The following EPG5 variants were observed in gnomAD, a reference collection of about 807,000 sequenced individuals.
EPG5 encodes the protein ectopic P granules protein 5 homolog.
A neutral mutation model predicts 302.7 loss-of-function variants in EPG5; 159 were observed. The observed-to-expected ratio is 0.53, with a 90% CI of 0.46 to 0.60. The LOEUF (loss-of-function observed/expected upper bound fraction) is 0.60. Among genes scored for constraint, EPG5 ranks in the 20% least tolerant of loss-of-function variants. EPG5 has a pLI of 0.00. For missense variants in EPG5, 2,896 were observed against 3,092.4 expected, an observed-to-expected ratio of 0.94 and a Z score of 1.51; for synonymous variants, 1,158 against 1,136.8, an observed-to-expected ratio of 1.02 and a Z score of -0.37.
the EPG5 span, among the ~76,000 whole-genome samples, chr18:45,812,755 T>C: frequency 7.9e-5 from 12 of 152,218 alleles, no homozygotes; most frequent in Admixed American, 5.2e-4. Flanking sequence ...TTACACCTTA[T>C]GCAAAAATTA....
rs1162086216 is a variant in EPG5, at chr18:45,850,855, C to G, written c.*1612G>C. 2.6e-5 allele frequency: 4 copies of G among 152,596 alleles called. No individual in the cohort carries two copies. The highest frequency in any genetic ancestry group is 5.9e-5 in the Non-Finnish European group (4 of 68,012). The allele number at this position is 152,596 out of a possible 1,614,324, so 9.5% of individuals were successfully genotyped here. A position where few individuals can be genotyped will look rare whatever the true frequency, so the allele number is the denominator to read the frequency against. ...CCAGATCAGACTATTAAATTGTCCA[C>G]AGCTTCTCAAATTTTCTTATACAGA... On this transcript the variant is annotated 3_prime_UTR_variant, in exon 44 of 44. Coordinates refer to ENST00000282041, the MANE Select transcript of EPG5 (RefSeq NM_020964.3).
chr18:45,916,110 G>T lies in EPG5; in HGVS notation c.3481C>A (p.Arg1161=). ...ATGAGGAAGAGGATAGGTTGTTCTC[G>T]GTACCAGAGATGCTGGCTTATGAGA... ...QALISQHLWY[R]EQPILFLMDH... The change falls in exon 19 of 44, where the codon CGA becomes AGA. Residue 1161 remains arginine (R), a synonymous_variant. Coordinates refer to ENST00000282041, the MANE Select transcript of EPG5 (RefSeq NM_020964.3). The T allele has an allele frequency of 1.2e-6, 2 of 1,614,090 alleles. No individual in the cohort carries two copies. Among genetic ancestry groups the T allele is most frequent in the Non-Finnish European group, 1.7e-6 (2 of 1,180,004 alleles).
chr18:45,829,453 T>G, the EPG5 span, among the ~76,000 whole-genome samples: 1 of 152,160 alleles, frequency 6.6e-6, no homozygotes, highest in Non-Finnish European at 1.5e-5. Flanking sequence ...AGAGAAAGAT[T>G]TGCAGGGAGC....
rs11082494 is a variant in EPG5, at chr18:45,889,614, G to C, written c.4952+184C>G. Among the ~76,000 whole-genome samples, 94,018 of 151,924 alleles carry C rather than the reference G, an allele frequency of 0.62. 29,311 individuals are homozygous for C. Among genetic ancestry groups the C allele is most frequent in the Non-Finnish European group, 0.64 (43,791 of 67,970 alleles). On this transcript the variant is annotated intron_variant, in intron 28 of 43. Coordinates refer to ENST00000282041, the MANE Select transcript of EPG5 (RefSeq NM_020964.3). ...ATAAATAAATGGGGATGGCTGTGTT[G>C]CAATAAAACTTTATTTATAAAAATA...
At chr18:45,819,470 A>T in the EPG5 span, among the ~76,000 whole-genome samples, 1 of 151,988 alleles carries the variant, frequency 6.6e-6, no homozygotes, top group East Asian at 1.9e-4. Flanking sequence ...TCAAGGCCAG[A>T]AAGGAAACAC....
chr18:45,944,953 T>C (rs1029651419), intron 7 of EPG5, among the ~76,000 whole-genome samples: 3 of 152,170 alleles, frequency 2.0e-5, no homozygotes, highest in South Asian at 2.1e-4. Flanking sequence ...AAAGATTACA[T>C]AGGGGAAATC....
At chr18:45,888,625 A>C (rs1599499143) in intron 28 of EPG5, among the ~76,000 whole-genome samples, 1 of 152,262 alleles carries the variant, frequency 6.6e-6, no homozygotes, top group African/African-American at 2.4e-5. Flanking sequence ...TTTTTAATAG[A>C]GATGGGGTTT....
Position 45,911,110 on chromosome 18 carries a change from C to CACAT in EPG5, c.3984-369_3984-368insATGT, listed in dbSNP as rs1491456763. On this transcript the variant is annotated intron_variant, in intron 22 of 43. Transcript: ENST00000282041. ...ACACACACACACACACACACACACA[C>CACAT]ATATATATATATATATACATTTTTT... Among the ~76,000 whole-genome samples the CACAT allele has an allele frequency of 9.2e-3, 1,173 of 127,930 alleles. 9 individuals carry two copies. The highest frequency in any genetic ancestry group is 0.015 in the South Asian group (55 of 3,772). 83.9% of individuals were successfully genotyped at this position (127,930 alleles called of 152,430 possible). A position where few individuals can be genotyped will look rare whatever the true frequency, so the allele number is the denominator to read the frequency against.
At chr18:45,901,564 C>T (rs562829059) in intron 25 of EPG5, among the ~76,000 whole-genome samples, 7 of 152,088 alleles carry the variant, frequency 4.6e-5, no homozygotes, top group East Asian at 3.9e-4. Flanking sequence ...AAGGAATAAG[C>T]GTTATGGAAT....
chr18:45,939,522 C>T, intron 10 of EPG5, 78 bp downstream of exon 10: 1 of 1,369,740 alleles, frequency 7.3e-7, no homozygotes, highest in Non-Finnish European at 1.0e-6. Flanking sequence ...AAAAGACCTA[C>T]TTAAGTGGCT....
chr18:45,821,332 C>T, the EPG5 span, among the ~76,000 whole-genome samples: 1 of 152,336 alleles, frequency 6.6e-6, no homozygotes, highest in Admixed American at 6.5e-5. Flanking sequence ...CTAACTTTAT[C>T]TTACTTATGC....
Position 45,952,532 on chromosome 18 carries a change from G to A in EPG5, c.1120C>T (p.His374Tyr). The change falls in exon 3 of 44, where the codon CAC becomes TAC. Residue 374 changes from histidine (H) to tyrosine (Y), a missense_variant. By Grantham distance (83) the His-to-Tyr change is moderately conservative. Around this residue, in one of 5 missense-constraint regions of EPG5, gnomAD observed 1,390 missense variants for 1,430.0 expected, o/e 0.97. Transcript: ENST00000282041. The stretch of plus-strand genomic sequence containing the variant: ...TGAAGGGCCAGGGTCTGGTGGAGGT[G>A]CTCAGATTTGGCATCGAATAGCTTC... ...LKKLFDAKSE[H>Y]LHQTLALHSY... 2 of 1,614,166 alleles carry A rather than the reference G, an allele frequency of 1.2e-6. No individual in the cohort carries two copies. The highest frequency in any genetic ancestry group is 1.7e-6 in the Non-Finnish European group (2 of 1,180,018).
At chr18:45,820,012 C>G in the EPG5 span, among the ~76,000 whole-genome samples, 239 of 152,226 alleles carry the variant, frequency 1.6e-3, no homozygotes, top group African/African-American at 5.6e-3. Flanking sequence ...CAAAGTCATC[C>G]TGTTGTTAGT....
intron 31 of EPG5, 51 bp from the exon 32 acceptor site, chr18:45,880,274 T>A (rs753394323): frequency 6.8e-7 from 1 of 1,478,606 alleles, no homozygotes; most frequent in South Asian, 1.3e-5. Context: ...GAAAGGAATA[T>A]TTTAACTTGT....
At chr18:45,812,357 G>T in the EPG5 span, among the ~76,000 whole-genome samples, 17 of 152,304 alleles carry the variant, frequency 1.1e-4, 1 homozygote, top group South Asian at 8.3e-4. Context: ...GTAATTTACA[G>T]ATTCAATGCC....
chr18:45,850,210 G>GTCT lies in EPG5; in HGVS notation c.*2254_*2256dup. The stretch of plus-strand genomic sequence containing the variant: ...ACGCTGCTCAGTCCACAGGGCCTTG[G>GTCT]TCTTGCTTGATTCCCGTCTTGATGT... On this transcript the variant is annotated 3_prime_UTR_variant, in exon 44 of 44. Transcript: ENST00000282041. 6.6e-6 allele frequency: 1 copy of GTCT among 152,410 alleles called. No individual in the cohort carries two copies. Among genetic ancestry groups the GTCT allele is most frequent in the East Asian group, 1.9e-4 (1 of 5,186 alleles). 9.4% of individuals were successfully genotyped at this position (152,410 alleles called of 1,614,324 possible).
the EPG5 span, among the ~76,000 whole-genome samples, chr18:45,819,768 T>G: frequency 6.6e-6 from 1 of 151,134 alleles, no homozygotes; most frequent in Non-Finnish European, 1.5e-5. Flanking sequence ...GAACTCACGT[T>G]GTTTTTTCTG....
chr18:45,913,363 G>A (rs142046955), intron 21 of EPG5, among the ~76,000 whole-genome samples: 2,138 of 152,170 alleles, frequency 0.014, 33 homozygotes, highest in Admixed American at 0.018. Flanking sequence ...TAACCTCCTT[G>A]TCCCACTCGA....
chr18:45,905,194 C>T (rs2049718821), intron 24 of EPG5, among the ~76,000 whole-genome samples: 1 of 152,090 alleles, frequency 6.6e-6, no homozygotes, highest in African/African-American at 2.4e-5. Context: ...TGGGGGACTG[C>T]CTTTAACAAC....
Sources: gnomAD v4.1 joint callset for allele counts (sites outside exome capture counted in the v4.1 genomes callset) on GRCh38, gnomAD v4.1.1 for gene constraint, gnomAD v4.1.1 regional missense constraint, MANE v1.5 for transcripts, NCBI Gene and HGNC (gene_info 2026-07-23, HGNC 2026-07-21) for gene names.